The following HTT variants were observed in gnomAD, a reference collection of about 807,000 sequenced individuals.
HTT encodes the protein huntingtin.
HTT carries 104 observed loss-of-function variants against 362.3 expected under a neutral mutation model. That is an observed-to-expected ratio of 0.29 (90% CI 0.24 to 0.34). The LOEUF (loss-of-function observed/expected upper bound fraction) is 0.34. Ranked by LOEUF, HTT falls within the 10% of genes least tolerant of loss-of-function variation. The pLI is 1.00. For synonymous variants in HTT, 1,577 were observed against 1,548.7 expected, an observed-to-expected ratio of 1.02 and a Z score of -0.43; for missense variants, 3,301 against 3,928.6, an observed-to-expected ratio of 0.84 and a Z score of 4.27.
In HTT at chr4:3,142,717, AATAT is replaced by A. The variant is rs749339335; in HGVS notation, c.2946-46_2946-43del. 45 of 991,990 alleles carry A rather than the reference AATAT, an allele frequency of 4.5e-5. 2 individuals carry two copies. In the South Asian group the frequency reaches 8.1e-4, roughly 18 times the overall value. 61.4% of individuals were successfully genotyped at this position (991,990 alleles called of 1,614,324 possible). On this transcript the variant is annotated intron_variant, in intron 22 of 66. Coordinates refer to ENST00000355072, the MANE Select transcript of HTT (RefSeq NM_001388492.1). ...TTTTAAATGCCATTTGATCTTTAAAAATATATGTTTTAATAGTGTATTTTAAGTC... is the reference window on the plus strand; with the variant it reads ...TTTTAAATGCCATTTGATCTTTAAAAATGTTTTAATAGTGTATTTTAAGTC...
At chr4:3,193,138 C>T (rs573724489) in intron 40 of HTT, among the ~76,000 whole-genome samples, 117 of 152,338 alleles carry the variant, frequency 7.7e-4, no homozygotes, top group Admixed American at 2.4e-3. Flanking sequence ...AGGGCCCGGC[C>T]GCACGGCGCC....
intron 27 of HTT, among the ~76,000 whole-genome samples, chr4:3,156,619 CTTTAATA>C (rs1469934924): frequency 6.6e-6 from 1 of 152,184 alleles, no homozygotes. Context: ...GTGCTTGGCA[CTTTAATA>C]TTTAGTATCG....
intron 29 of HTT, among the ~76,000 whole-genome samples, chr4:3,165,067 T>C (rs1717632423): frequency 6.6e-6 from 1 of 152,252 alleles, no homozygotes; most frequent in South Asian, 2.1e-4. Flanking sequence ...TACTGGTTGT[T>C]CCTTTCCATG....
At chr4:3,132,473 T>A (rs1314547430) in intron 16 of HTT, 89 bp from the exon 17 acceptor site, 4 of 1,142,514 alleles carry the variant, frequency 3.5e-6, no homozygotes, top group Non-Finnish European at 5.1e-6. Flanking sequence ...CACACCTCTT[T>A]TTCTCTTTCC....
At chr4:3,203,758 C>G (rs1222712834) in intron 41 of HTT, among the ~76,000 whole-genome samples, 1 of 152,150 alleles carries the variant, frequency 6.6e-6, no homozygotes, top group Non-Finnish European at 1.5e-5. Flanking sequence ...GTGGATTTTG[C>G]TATTCAGGCA....
chr4:3,146,785 G>A lies in HTT; in HGVS notation c.3144-12G>A, dbSNP rs754825995. ...TTGTCTATAATTTGACTTTGCAAAT[G>A]TCTGCTTCCAGAGTGCCTCCACTGA... On this transcript the variant is annotated splice_polypyrimidine_tract_variant and intron_variant, in intron 24 of 66. Transcript: ENST00000355072. The A allele has an allele frequency of 1.9e-5, 31 of 1,612,146 alleles. No individual in the cohort carries two copies. Among genetic ancestry groups the A allele is most frequent in the Admixed American group, 1.5e-4 (9 of 59,940 alleles).
intron 33 of HTT, among the ~76,000 whole-genome samples, chr4:3,177,065 T>A (rs1718276235): frequency 6.6e-6 from 1 of 152,242 alleles, no homozygotes; most frequent in Non-Finnish European, 1.5e-5. Flanking sequence ...AGGTGTAATT[T>A]TGGGTATTGT....
At position 3,238,902 on chromosome 4, in the gene HTT, G is replaced by A; in HGVS notation, c.9139G>A (p.Ala3047Thr). ...MLSLSNFTQR[A>T]PVAMATWSLS... Reference sequence around the variant, plus strand: ...GTCCCTCTCCAACTTCACGCAGAGGGCCCCGGTCGCCATGGCCACGTGGAG... The same window carrying A: ...GTCCCTCTCCAACTTCACGCAGAGGACCCCGGTCGCCATGGCCACGTGGAG... Residue 3047 changes from alanine to threonine, a missense_variant, in exon 66 of 67, where the codon GCC becomes ACC. Physicochemically the swap from Ala to Thr is moderately conservative, Grantham distance 58 (BLOSUM62 0). Around this residue, in one of 4 missense-constraint regions of HTT, gnomAD observed 753 missense variants for 1,021.3 expected, o/e 0.74. Coordinates refer to ENST00000355072, the MANE Select transcript of HTT (RefSeq NM_001388492.1). The A allele has an allele frequency of 6.2e-7, 1 of 1,611,700 alleles. No homozygotes were observed. Among genetic ancestry groups the A allele is most frequent in the Non-Finnish European group, 8.5e-7 (1 of 1,179,622 alleles).
intron 3 of HTT, among the ~76,000 whole-genome samples, chr4:3,100,554 T>C (rs1427624141): frequency 2.0e-5 from 3 of 152,236 alleles, no homozygotes; most frequent in Non-Finnish European, 4.4e-5. Flanking sequence ...CAATTCCTGC[T>C]TTGCTCGCAT....
At chr4:3,230,165 G>C (rs889869249) in intron 60 of HTT, 123 bp downstream of exon 60, 1 of 767,594 alleles carries the variant, frequency 1.3e-6, no homozygotes, top group African/African-American at 1.7e-5. Context: ...ACCCGAACCG[G>C]ACTCCACGGC....
At position 3,229,849 on chromosome 4, in the gene HTT, G is replaced by A. The variant is rs776096563; in HGVS notation, c.8110-38G>A. 6.6e-5 allele frequency: 106 copies of A among 1,610,136 alleles called. 1 individual carries two copies. Among genetic ancestry groups the A allele is most frequent in the South Asian group, 5.5e-4 (50 of 90,950 alleles). On this transcript the variant is annotated intron_variant, in intron 59 of 66. Coordinates refer to ENST00000355072, the MANE Select transcript of HTT (RefSeq NM_001388492.1). ...TGCGTTGCCTGGATTCTAACAGCGC[G>A]ATTCTCCCCTTGCCCTCCTGGTTTT...
chr4:3,136,317 C>T lies in HTT; in HGVS notation c.2789C>T (p.Ser930Leu). Residue 930 changes from serine to leucine, a missense_variant, in exon 21 of 67, where the codon TCA becomes TTA. Coordinates refer to ENST00000355072, the MANE Select transcript of HTT (RefSeq NM_001388492.1). ...DPRVRHVAAASLIRLVPKLFY... is the reference protein window; with the variant it reads ...DPRVRHVAAALLIRLVPKLFY... ...AGGGTGCGACATGTTGCCGCAGCAT[C>T]ACTAATTAGGTATTTACCAATATTT... 1 of 1,571,456 alleles carries T rather than the reference C, an allele frequency of 6.4e-7. No homozygotes were observed. Among genetic ancestry groups the T allele is most frequent in the Non-Finnish European group, 8.8e-7 (1 of 1,141,894 alleles).
Position 3,130,412 on chromosome 4 carries a change from C to G in HTT, c.1975C>G (p.Gln659Glu), listed in dbSNP as rs1199252920. ...AGATGAAGCTACTGAACCGGGTGAT[C>G]AAGAAAACAAGGTGAGGGACATAGG... ...LRDEATEPGD[Q>E]ENKPCRIKGD... The change falls in exon 14 of 67, where the codon CAA becomes GAA. Residue 659 changes from glutamine (Q) to glutamate (E), a missense_variant. Physicochemically the swap from Gln to Glu is conservative, Grantham distance 29 (BLOSUM62 2). Coordinates refer to ENST00000355072, the MANE Select transcript of HTT (RefSeq NM_001388492.1). 1.9e-6 allele frequency: 3 copies of G among 1,582,536 alleles called. No individual in the cohort carries two copies. Among genetic ancestry groups the G allele is most frequent in the Non-Finnish European group, 2.6e-6 (3 of 1,156,824 alleles).
At chr4:3,082,257 G>A (rs534738712) in intron 1 of HTT, among the ~76,000 whole-genome samples, 31 of 152,204 alleles carry the variant, frequency 2.0e-4, no homozygotes, top group African/African-American at 7.0e-4. Context: ...TCACATTTTT[G>A]TGGCTGTAGA....
At chr4:3,179,266 G>T (rs766123444) in intron 35 of HTT, among the ~76,000 whole-genome samples, 1 of 152,152 alleles carries the variant, frequency 6.6e-6, no homozygotes, top group Non-Finnish European at 1.5e-5. Flanking sequence ...GTTTGCCACG[G>T]CCTCACAAGG....
chr4:3,207,133 G>A (rs1025049765), intron 44 of HTT, 148 bp from the exon 45 acceptor site: 4 of 1,029,968 alleles, frequency 3.9e-6, no homozygotes, highest in East Asian at 2.6e-5. Context: ...CGTTACTCGT[G>A]TGTCCGATCT....
intron 5 of HTT, among the ~76,000 whole-genome samples, chr4:3,106,859 G>A (rs1714457551): frequency 6.6e-6 from 1 of 152,160 alleles, no homozygotes; most frequent in Non-Finnish European, 1.5e-5. Context: ...GAATTCCTGT[G>A]ATCTGTGACT....
At chr4:3,235,170 C>T (rs113966507) in intron 61 of HTT, 114 bp from the exon 62 acceptor site, 17 of 761,312 alleles carry the variant, frequency 2.2e-5, no homozygotes, top group Admixed American at 6.4e-5. Context: ...TAGGCGCTCC[C>T]GGGAGCCCGC....
At chr4:3,229,578 A>T (rs574344073) in intron 59 of HTT, among the ~76,000 whole-genome samples, 1 of 150,098 alleles carries the variant, frequency 6.7e-6, no homozygotes, top group Non-Finnish European at 1.5e-5. Flanking sequence ...ACATGTACAC[A>T]CATGTATATA....
Sources: gnomAD v4.1 joint callset for allele counts (sites outside exome capture counted in the v4.1 genomes callset) on GRCh38, gnomAD v4.1.1 for gene constraint, gnomAD v4.1.1 regional missense constraint, MANE v1.5 for transcripts, NCBI Gene and HGNC (gene_info 2026-07-23, HGNC 2026-07-21) for gene names.